Variants in PRDM5 observed in about 807,000 individuals in gnomAD.
The protein encoded by PRDM5 is PR/SET domain 5, also known as PR domain zinc finger protein 5.
A neutral mutation model predicts 81.2 loss-of-function variants in PRDM5; 56 were observed. That is an observed-to-expected ratio of 0.69 (90% CI 0.56 to 0.86). The LOEUF is 0.86. Among genes scored for constraint, PRDM5 ranks in the 40% least tolerant of loss-of-function variants. The probability of loss-of-function intolerance (pLI) is 0.00; values close to 1 mark genes in which losing one functional copy is unlikely to be tolerated. For missense variants in PRDM5, 697 were observed against 770.1 expected, an observed-to-expected ratio of 0.91 and a Z score of 1.12; for synonymous variants, 267 against 256.4, an observed-to-expected ratio of 1.04 and a Z score of -0.39.
chr4:120,720,483 T>C (rs1738444177), intron 14 of PRDM5, among the ~76,000 whole-genome samples: 2 of 152,198 alleles, frequency 1.3e-5, no homozygotes, highest in Admixed American at 6.5e-5. Flanking sequence ...TTTGCAAGTG[T>C]GGCCCCATGG....
intron 14 of PRDM5, among the ~76,000 whole-genome samples, chr4:120,719,783 T>C (rs992355984): frequency 2.0e-5 from 3 of 152,222 alleles, no homozygotes; most frequent in African/African-American, 7.2e-5. Flanking sequence ...TCTGCTTCTG[T>C]AGATTTCACA....
intron 14 of PRDM5, among the ~76,000 whole-genome samples, chr4:120,733,699 T>G (rs1283702881): frequency 1.3e-5 from 2 of 152,176 alleles, no homozygotes; most frequent in South Asian, 4.1e-4. Context: ...TTAAACACAC[T>G]GTCCTTTCGA....
At chr4:120,742,064 T>A (rs928568289) in intron 14 of PRDM5, among the ~76,000 whole-genome samples, 19 of 152,192 alleles carry the variant, frequency 1.2e-4, no homozygotes, top group Admixed American at 1.2e-3. Context: ...GTTCTCCCAG[T>A]ACGCAGCTGG....
intron 2 of PRDM5, among the ~76,000 whole-genome samples, chr4:120,875,483 A>G (rs528097636): frequency 6.6e-6 from 1 of 152,292 alleles, no homozygotes; most frequent in South Asian, 2.1e-4. Flanking sequence ...CCCTGAAACC[A>G]TCAGTTCATT....
At chr4:120,900,540 A>C (rs1765121210) in intron 2 of PRDM5, among the ~76,000 whole-genome samples, 1 of 152,210 alleles carries the variant, frequency 6.6e-6, no homozygotes, top group South Asian at 2.1e-4. Flanking sequence ...GGACAAACAG[A>C]GGTTATTAAC....
chr4:120,801,376 C>T (rs958924836), intron 8 of PRDM5, among the ~76,000 whole-genome samples: 1 of 152,184 alleles, frequency 6.6e-6, no homozygotes, highest in Non-Finnish European at 1.5e-5. Flanking sequence ...GAAACAGATG[C>T]AGGGGCAAGG....
At chr4:120,769,035 A>C (rs1257520730) in intron 13 of PRDM5, among the ~76,000 whole-genome samples, 1 of 152,208 alleles carries the variant, frequency 6.6e-6, no homozygotes, top group Non-Finnish European at 1.5e-5. Context: ...TCTCAAAGTG[A>C]ATGTTACGGA....
At chr4:120,862,278 A>G (rs559601887) in intron 2 of PRDM5, among the ~76,000 whole-genome samples, 1 of 152,362 alleles carries the variant, frequency 6.6e-6, no homozygotes, top group South Asian at 2.1e-4. Context: ...AAAGCCACAG[A>G]TGAAATTTTT....
chr4:120,714,672 TG>T (rs1443332176), intron 14 of PRDM5, among the ~76,000 whole-genome samples: 1 of 152,172 alleles, frequency 6.6e-6, no homozygotes, highest in Non-Finnish European at 1.5e-5. Context: ...CTCCTGCTCG[TG>T]GCTTTTGTTT....
intron 10 of PRDM5, among the ~76,000 whole-genome samples, chr4:120,792,727 T>C (rs553087451): frequency 7.4e-4 from 112 of 152,256 alleles, no homozygotes; most frequent in Admixed American, 1.2e-3. Flanking sequence ...TATTCAGCCT[T>C]AAAAAAGAAA....
chr4:120,783,685 A>T (rs1749363785), intron 11 of PRDM5, among the ~76,000 whole-genome samples: 1 of 152,108 alleles, frequency 6.6e-6, no homozygotes, highest in Non-Finnish European at 1.5e-5. Flanking sequence ...TGCACAACAA[A>T]TTTTATTTTT....
At chr4:120,890,380 A>G (rs973896691) in intron 2 of PRDM5, among the ~76,000 whole-genome samples, 3 of 152,180 alleles carry the variant, frequency 2.0e-5, no homozygotes, top group Non-Finnish European at 4.4e-5. Context: ...CCATGATCCA[A>G]TCACCTCCCA....
intron 1 of PRDM5, among the ~76,000 whole-genome samples, chr4:120,917,609 G>C (rs1436541514): frequency 6.6e-6 from 1 of 150,426 alleles, no homozygotes; most frequent in African/African-American, 2.4e-5. Context: ...ATTGTTAAAT[G>C]AATGTGTAAA....
intron 2 of PRDM5, among the ~76,000 whole-genome samples, chr4:120,854,427 C>T (rs556387675): frequency 1.2e-4 from 19 of 152,078 alleles, no homozygotes; most frequent in Non-Finnish European, 2.5e-4. Context: ...ATCTCCAACA[C>T]CAAGTAACAC....
chr4:120,918,784 A>T (rs1724530962), intron 1 of PRDM5, among the ~76,000 whole-genome samples: 1 of 152,004 alleles, frequency 6.6e-6, no homozygotes, highest in Non-Finnish European at 1.5e-5. Context: ...GGCAACTGTG[A>T]GCTGCAAGAC....
At chr4:120,701,548 G>T (rs1735372085) in intron 15 of PRDM5, among the ~76,000 whole-genome samples, 1 of 152,138 alleles carries the variant, frequency 6.6e-6, no homozygotes, top group African/African-American at 2.4e-5. Flanking sequence ...GATGCAGCTG[G>T]GGGCCACTAT....
intron 15 of PRDM5, among the ~76,000 whole-genome samples, chr4:120,697,208 A>G (rs1373070472): frequency 6.6e-6 from 1 of 152,172 alleles, no homozygotes; most frequent in Non-Finnish European, 1.5e-5. Flanking sequence ...CACAAACACT[A>G]TTTTAAGAGA....
chr4:120,806,852 A>G (rs1753045799), intron 8 of PRDM5, among the ~76,000 whole-genome samples: 2 of 152,226 alleles, frequency 1.3e-5, no homozygotes, highest in African/African-American at 2.4e-5. Context: ...GACAAATGGG[A>G]TCTAATTAAA....
chr4:120,776,981 T>C (rs928616669), intron 13 of PRDM5, among the ~76,000 whole-genome samples: 16 of 152,198 alleles, frequency 1.1e-4, no homozygotes, highest in African/African-American at 2.4e-5. Context: ...ATTTCCACTT[T>C]AGATGTTTTA....
Sources: gnomAD v4.1 joint callset for allele counts (sites outside exome capture counted in the v4.1 genomes callset) on GRCh38, gnomAD v4.1.1 for gene constraint, MANE v1.5 for transcripts, NCBI Gene and HGNC (gene_info 2026-07-23, HGNC 2026-07-21) for gene names.